Variants in TENM2 observed in about 807,000 individuals in gnomAD.
The protein encoded by TENM2 is teneurin-2.
Under a neutral mutation model 245.2 loss-of-function variants are expected in TENM2, and 52 were observed. That is an observed-to-expected ratio of 0.21 (90% CI 0.17 to 0.27). TENM2 has a LOEUF of 0.27. Ranked by LOEUF, TENM2 falls within the 10% of genes least tolerant of loss-of-function variation. The pLI is 1.00. For missense variants in TENM2, 3,046 were observed against 3,666.8 expected (o/e 0.83, Z 4.37); for synonymous variants, 1,363 against 1,438.9 (o/e 0.95, Z 1.19).
chr5:167,551,332 G>T (rs974917567), intron 2 of TENM2, among the ~76,000 whole-genome samples: 4 of 152,216 alleles, frequency 2.6e-5, no homozygotes, highest in Admixed American at 2.0e-4. Context: ...ACTTTCCCAT[G>T]GAAAGAGACC....
At chr5:167,427,084 A>AT (rs1763873567) in intron 2 of TENM2, among the ~76,000 whole-genome samples, 2 of 152,202 alleles carry the variant, frequency 1.3e-5, no homozygotes, top group Non-Finnish European at 2.9e-5. Context: ...AGTAAAAAAA[A>AT]GGATGAAAGA....
intron 2 of TENM2, among the ~76,000 whole-genome samples, chr5:167,465,037 G>A (rs1048630984): frequency 3.9e-5 from 6 of 152,142 alleles, no homozygotes; most frequent in Non-Finnish European, 7.4e-5. Context: ...TTAAAGCACC[G>A]TTCTCAAAAA....
At chr5:167,638,812 C>T (rs568316018) in intron 2 of TENM2, among the ~76,000 whole-genome samples, 1 of 152,068 alleles carries the variant, frequency 6.6e-6, no homozygotes, top group African/African-American at 2.4e-5. Context: ...GTGTGAAAAT[C>T]AAAAATGAGC....
At chr5:167,298,008 A>G (rs1436113795) in intron 1 of TENM2, among the ~76,000 whole-genome samples, 1 of 152,072 alleles carries the variant, frequency 6.6e-6, no homozygotes, top group East Asian at 1.9e-4. Flanking sequence ...GTCACAGGGG[A>G]TATGATGGCT....
the TENM2 span, among the ~76,000 whole-genome samples, chr5:167,183,450 T>C: frequency 2.0e-5 from 3 of 152,204 alleles, no homozygotes; most frequent in African/African-American, 4.8e-5. Flanking sequence ...CTAGACAATA[T>C]AGCCAACCTC....
chr5:167,992,183 G>A, intron 4 of TENM2, among the ~76,000 whole-genome samples: 1 of 152,064 alleles, frequency 6.6e-6, no homozygotes, highest in South Asian at 2.1e-4. Context: ...CTGCTCTGAT[G>A]ACAGGTGGAC....
chr5:167,969,466 A>G (rs1781613210), intron 4 of TENM2, among the ~76,000 whole-genome samples: 1 of 152,146 alleles, frequency 6.6e-6, no homozygotes. Context: ...TCTCTTTATA[A>G]ATTACCCAGT....
rs547132965 is a variant in TENM2, at chr5:167,434,821, C to A, written c.502+59348C>A. On this transcript the variant is annotated intron_variant, in intron 2 of 28. Transcript: ENST00000518659. ...ATTATTTATGGACAGCATCTATTCTCATGCAAAGAAAATACACACGTAGTT... is the reference window on the plus strand; with the variant it reads ...ATTATTTATGGACAGCATCTATTCTAATGCAAAGAAAATACACACGTAGTT... Among the ~76,000 whole-genome samples the A allele has an allele frequency of 1.6e-4, 25 of 152,320 alleles. No homozygotes were observed. The South Asian group carries it at 4.8e-3, about 29-fold the overall frequency.
At chr5:167,317,941 A>G (rs1327774864) in intron 1 of TENM2, among the ~76,000 whole-genome samples, 1 of 152,182 alleles carries the variant, frequency 6.6e-6, no homozygotes, top group Non-Finnish European at 1.5e-5. Flanking sequence ...TGTCTCCATC[A>G]CTACACAAGG....
chr5:167,438,135 T>C (rs1204425994), intron 2 of TENM2, among the ~76,000 whole-genome samples: 1 of 152,178 alleles, frequency 6.6e-6, no homozygotes, highest in African/African-American at 2.4e-5. Context: ...TAATTTGTAA[T>C]CTGCTTTCAA....
At position 167,494,043 on chromosome 5, in the gene TENM2, A is replaced by G. The variant is rs116836242; in HGVS notation, c.502+118570A>G. 8.8e-3 allele frequency among the ~76,000 whole-genome samples: 1,333 copies of G among 152,242 alleles called. 21 individuals carry two copies. Among genetic ancestry groups the G allele is most frequent in the African/African-American group, 0.03 (1,266 of 41,564 alleles). ...TAAGGTAGCCCTCATGGGGAAAAAT[A>G]ATATTAGAGTTGATTCTTGAAGGAT... On this transcript the variant is annotated intron_variant, in intron 2 of 28. Transcript: ENST00000518659.
intron 2 of TENM2, among the ~76,000 whole-genome samples, chr5:167,617,903 G>T (rs1777894032): frequency 6.6e-6 from 1 of 152,122 alleles, no homozygotes; most frequent in Non-Finnish European, 1.5e-5. Context: ...TATGAATTTT[G>T]TACCTTAGCA....
chr5:167,434,068 C>G (rs1764396952), intron 2 of TENM2, among the ~76,000 whole-genome samples: 1 of 151,196 alleles, frequency 6.6e-6, no homozygotes, highest in Admixed American at 6.6e-5. Context: ...TTCAGATATC[C>G]TACTACATCT....
At chr5:167,703,529 T>C (rs1222941744) in intron 2 of TENM2, among the ~76,000 whole-genome samples, 1 of 46,976 alleles carries the variant, frequency 2.1e-5, no homozygotes, top group Non-Finnish European at 3.3e-5. Flanking sequence ...TGAAACCATC[T>C]CAAAAAAAAA....
At chr5:167,737,231 C>T (rs1161746375) in intron 2 of TENM2, among the ~76,000 whole-genome samples, 1 of 152,206 alleles carries the variant, frequency 6.6e-6, no homozygotes, top group Non-Finnish European at 1.5e-5. Context: ...CGGCTCACCC[C>T]GTGAGCTCCT....
Position 167,424,904 on chromosome 5 carries a change from C to T in TENM2, c.502+49431C>T, listed in dbSNP as rs145771652. 2.2e-3 allele frequency among the ~76,000 whole-genome samples: 335 copies of T among 152,264 alleles called. 2 individuals are homozygous for T. Among genetic ancestry groups the T allele is most frequent in the African/African-American group, 7.6e-3 (316 of 41,562 alleles). On this transcript the variant is annotated intron_variant, in intron 2 of 28. Transcript: ENST00000518659. ...TTATAATGTTTCATAAAGGAAGTAT[C>T]ATAATCTACAGCAAAAATCATGCAT...
intron 4 of TENM2, among the ~76,000 whole-genome samples, chr5:167,959,311 C>A (rs573351892): frequency 6.6e-6 from 1 of 152,078 alleles, no homozygotes; most frequent in African/African-American, 2.4e-5. Flanking sequence ...TCTCCTGACT[C>A]AGCCTCCCCA....
chr5:167,632,037 A>G (rs1778910557), intron 2 of TENM2, among the ~76,000 whole-genome samples: 1 of 152,122 alleles, frequency 6.6e-6, no homozygotes, highest in Non-Finnish European at 1.5e-5. Flanking sequence ...TCCTGGTGGT[A>G]TGTTCACTGC....
chr5:167,885,200 T>C (rs1345704304), intron 3 of TENM2, among the ~76,000 whole-genome samples: 1 of 152,212 alleles, frequency 6.6e-6, no homozygotes, highest in Non-Finnish European at 1.5e-5. Flanking sequence ...TTGCATAGGT[T>C]GTCTTTTCAT....
Sources: gnomAD v4.1 joint callset for allele counts (sites outside exome capture counted in the v4.1 genomes callset) on GRCh38, gnomAD v4.1.1 for gene constraint, MANE v1.5 for transcripts, NCBI Gene and HGNC (gene_info 2026-07-23, HGNC 2026-07-21) for gene names.